The following SCOC variants were observed in gnomAD, a reference collection of about 807,000 sequenced individuals.
SCOC encodes short coiled-coil protein, also known as short coiled coil protein.
A neutral mutation model predicts 9.9 loss-of-function variants in SCOC; 7 were observed. That is an observed-to-expected ratio of 0.71 (90% confidence interval 0.40 to 1.33). The LOEUF (loss-of-function observed/expected upper bound fraction) is 1.33, where lower values mean the gene tolerates loss of function less well. Among genes scored for constraint, SCOC ranks in the 40% most tolerant of loss-of-function variants. SCOC has a pLI of 0.01. For missense variants in SCOC, 66 were observed against 89.7 expected (o/e 0.74, Z 1.07); for synonymous variants, 19 against 28.2 (o/e 0.67, Z 1.03).
At chr4:140,292,329 C>A (rs1415953910) in intron 1 of SCOC, among the ~76,000 whole-genome samples, 1 of 151,984 alleles carries the variant, frequency 6.6e-6, no homozygotes, top group African/African-American at 2.4e-5. Flanking sequence ...GCTGGGGCTA[C>A]AGGTGCGTGC....
At chr4:140,310,817 G>A (rs1732134940) in intron 1 of SCOC, among the ~76,000 whole-genome samples, 1 of 152,172 alleles carries the variant, frequency 6.6e-6, no homozygotes, top group Non-Finnish European at 1.5e-5. Context: ...CCTGTCTTGT[G>A]GGTGGCAGTC....
intron 1 of SCOC, among the ~76,000 whole-genome samples, chr4:140,311,169 A>G (rs570485549): frequency 6.6e-6 from 1 of 152,276 alleles, no homozygotes; most frequent in East Asian, 1.9e-4. Flanking sequence ...CCAGGAGCTC[A>G]AGGCTGCAGT....
At chr4:140,307,286 T>C (rs990418079) in intron 1 of SCOC, among the ~76,000 whole-genome samples, 2 of 152,244 alleles carry the variant, frequency 1.3e-5, no homozygotes, top group Non-Finnish European at 2.9e-5. Flanking sequence ...CTCAGTCCTC[T>C]GCTGATCTTC....
chr4:140,379,730 T>C, intron 3 of SCOC, 78 bp downstream of exon 3: 1 of 1,012,028 alleles, frequency 9.9e-7, no homozygotes, highest in South Asian at 1.4e-5. Context: ...CTAAATTTTG[T>C]TTGTTAGGAT....
At chr4:140,319,209 A>T (rs529575366) in intron 1 of SCOC, among the ~76,000 whole-genome samples, 2 of 152,282 alleles carry the variant, frequency 1.3e-5, no homozygotes, top group Admixed American at 6.5e-5. Flanking sequence ...ATCCTGCCTC[A>T]GCCTCCTGAG....
At chr4:140,276,869 G>A (rs552849045) in intron 1 of SCOC, among the ~76,000 whole-genome samples, 1 of 152,274 alleles carries the variant, frequency 6.6e-6, no homozygotes, top group South Asian at 2.1e-4. Flanking sequence ...TATCAGGAGG[G>A]GGTATAGCTC....
intron 2 of SCOC, among the ~76,000 whole-genome samples, chr4:140,363,993 G>A (rs971103626): frequency 6.6e-6 from 1 of 152,166 alleles, no homozygotes; most frequent in African/African-American, 2.4e-5. Flanking sequence ...GAAGTCTGCA[G>A]CTGTGGTTGC....
rs1248486011 is a variant in SCOC at position 140,385,237 on chromosome 4, T to C, written c.*4133T>C. 1.3e-5 allele frequency: 2 copies of C among 152,208 alleles called. No homozygotes were observed. Among genetic ancestry groups the C allele is most frequent in the Non-Finnish European group, 2.9e-5 (2 of 68,050 alleles). 9.4% of individuals were successfully genotyped at this position (152,208 alleles called of 1,614,324 possible). A position where few individuals can be genotyped will look rare whatever the true frequency, so the allele number is the denominator to read the frequency against. ...CGTCTGAAACTTGTAGGGCCAGATG[T>C]CTTAGAATTTGGAGTTTTCCAGATT... On this transcript the variant is annotated 3_prime_UTR_variant, in exon 4 of 4. Coordinates refer to ENST00000608372, the MANE Select transcript of SCOC (RefSeq NM_001153484.2).
chr4:140,364,505 A>G (rs1578864697), intron 2 of SCOC, among the ~76,000 whole-genome samples: 2 of 152,304 alleles, frequency 1.3e-5, no homozygotes, highest in South Asian at 4.1e-4. Flanking sequence ...TTTATTAGTA[A>G]GGAAGAGAAG....
At chr4:140,298,851 T>C (rs944232293) in intron 1 of SCOC, among the ~76,000 whole-genome samples, 3 of 152,210 alleles carry the variant, frequency 2.0e-5, no homozygotes, top group Non-Finnish European at 4.4e-5. Context: ...GGCTTTACTC[T>C]GTCACCCAGG....
chr4:140,295,285 G>A (rs1052694170), intron 1 of SCOC, among the ~76,000 whole-genome samples: 8 of 152,078 alleles, frequency 5.3e-5, no homozygotes, highest in Non-Finnish European at 7.4e-5. Context: ...CTATAGGTAA[G>A]GGGTAAAATA....
chr4:140,362,084 C>A (rs890066081), intron 2 of SCOC, among the ~76,000 whole-genome samples: 1 of 117,726 alleles, frequency 8.5e-6, no homozygotes, highest in Non-Finnish European at 1.9e-5. Context: ...AGCCCCTATC[C>A]CTTAGTAGCA....
chr4:140,381,241 A>G lies in SCOC; in HGVS notation c.*137A>G. The G allele has an allele frequency of 1.3e-6, 1 of 771,590 alleles. No individual in the cohort carries two copies. The highest frequency in any genetic ancestry group is 1.8e-5 in the African/African-American group (1 of 55,182). 47.8% of individuals were successfully genotyped at this position (771,590 alleles called of 1,614,324 possible). A position where few individuals can be genotyped will look rare whatever the true frequency, so the allele number is the denominator to read the frequency against. ...GATAATGTCAGATGTAGACAAAAAT[A>G]ACACAATAACAGGAGACTTCCATAA... On this transcript the variant is annotated 3_prime_UTR_variant, in exon 4 of 4. Transcript: ENST00000608372.
At chr4:140,373,228 CGAACTT>C, upstream of SCOC, 11 of 1,148,886 alleles carry the variant, frequency 9.6e-6, no homozygotes, top group South Asian at 2.3e-4. Context: ...GCTCTTTTCT[CGAACTT>C]GAATGACTTC....
chr4:140,379,523 T>TG (rs1258298285), intron 2 of SCOC, 46 bp from the exon 3 acceptor site: 4 of 1,368,242 alleles, frequency 2.9e-6, no homozygotes, highest in Non-Finnish European at 4.2e-6. Flanking sequence ...CCTACACAAA[T>TG]GTACCTAATG....
At chr4:140,278,303 C>G (rs1006593051) in intron 1 of SCOC, among the ~76,000 whole-genome samples, 2 of 149,094 alleles carry the variant, frequency 1.3e-5, no homozygotes, top group Non-Finnish European at 2.9e-5. Flanking sequence ...CTCTCTGAAG[C>G]CTTTTTTTTT....
At chr4:140,310,920 T>C (rs1732138193) in intron 1 of SCOC, among the ~76,000 whole-genome samples, 1 of 152,236 alleles carries the variant, frequency 6.6e-6, no homozygotes, top group African/African-American at 2.4e-5. Context: ...CAGATGCAGA[T>C]GATGCAGCTG....
intron 1 of SCOC, among the ~76,000 whole-genome samples, chr4:140,288,372 A>C (rs1457667557): frequency 6.6e-6 from 1 of 152,098 alleles, no homozygotes; most frequent in Non-Finnish European, 1.5e-5. Flanking sequence ...CTTACAGTGC[A>C]CACTTGTATA....
At chr4:140,291,218 G>C (rs1731460752) in intron 1 of SCOC, among the ~76,000 whole-genome samples, 1 of 152,186 alleles carries the variant, frequency 6.6e-6, no homozygotes, top group Non-Finnish European at 1.5e-5. Flanking sequence ...GTGTGGTATT[G>C]GTAGGTATGA....
Sources: allele counts gnomAD v4.1 joint callset (sites outside exome capture counted in the v4.1 genomes callset), GRCh38; gene constraint gnomAD v4.1.1; transcripts MANE v1.5; gene names NCBI Gene and HGNC (gene_info 2026-07-23, HGNC 2026-07-21).